Variants in TMED3 observed in about 807,000 individuals in gnomAD.
TMED3 encodes the protein transmembrane emp24 domain-containing protein 3.
Under a neutral mutation model 15.0 loss-of-function variants are expected in TMED3, and 9 were observed. The ratio of observed to expected loss-of-function variants is 0.60; its 90% CI spans 0.36 to 1.04. The LOEUF is 1.04. Ranked by LOEUF, TMED3 falls within the 50% of genes least tolerant of loss-of-function variation. The pLI is 0.01. For synonymous variants in TMED3, 117 were observed against 121.4 expected (o/e 0.96, Z 0.24); for missense variants, 267 against 278.9 (o/e 0.96, Z 0.30).
In TMED3 at chr15:79,353,190, T is replaced by TATTATATATTATAC. The variant is rs1373529043; in HGVS notation, c.417+39187_417+39188insTATATATTATACAT. On this transcript the variant is annotated intron_variant, in intron 2 of 2. Coordinates refer to the TMED3 transcript ENST00000424155. ...ATATATACATAATATATAAAATATA[T>TATTATATATTATAC]ATAATATATAAAATATATATTATAT... Among the ~76,000 whole-genome samples the TATTATATATTATAC allele has an allele frequency of 7.5e-5, 4 of 53,260 alleles. No homozygotes were observed. In the South Asian group the frequency reaches 1.7e-3, roughly 23 times the overall value. The allele number at this position is 53,260 out of a possible 152,430, so 34.9% of individuals were successfully genotyped here. A position where few individuals can be genotyped will look rare whatever the true frequency, so the allele number is the denominator to read the frequency against.
At chr15:79,371,101 A>T (rs1050936585) in intron 2 of TMED3, among the ~76,000 whole-genome samples, 12 of 152,230 alleles carry the variant, frequency 7.9e-5, no homozygotes, top group Non-Finnish European at 1.2e-4. Flanking sequence ...ATACTCAAGA[A>T]TGTATCTTTT....
intron 2 of TMED3, among the ~76,000 whole-genome samples, chr15:79,374,821 A>G (rs1893398462): frequency 6.6e-6 from 1 of 152,044 alleles, no homozygotes; most frequent in Admixed American, 6.6e-5. Flanking sequence ...TTGGGCCATA[A>G]CTCCTTTTTC....
chr15:79,342,703 A>G (rs1257148855), intron 2 of TMED3, among the ~76,000 whole-genome samples: 1 of 152,224 alleles, frequency 6.6e-6, no homozygotes, highest in African/African-American at 2.4e-5. Context: ...ATTACAACTC[A>G]TATCACAAAA....
rs59897659 is a variant in TMED3 at position 79,357,464 on chromosome 15, CAAAAAAAAAAAA to C, written c.417+43469_417+43480del. Among the ~76,000 whole-genome samples, 266 of 87,716 alleles carry C rather than the reference CAAAAAAAAAAAA, an allele frequency of 3.0e-3. 7 individuals are homozygous for C. The highest frequency in any genetic ancestry group is 0.011 in the African/African-American group (257 of 23,620). 57.5% of individuals were successfully genotyped at this position (87,716 alleles called of 152,430 possible). On this transcript the variant is annotated intron_variant, in intron 2 of 2. Transcript: ENST00000424155. ...TGTGCCACTGCACTCCACCCTGCCT[CAAAAAAAAAAAA>C]AAAAAAAAAGCAAGCACATTATTAC... is the stretch of plus-strand genomic sequence containing the variant.
intron 2 of TMED3, among the ~76,000 whole-genome samples, chr15:79,382,803 A>G (rs1247941619): frequency 6.6e-6 from 1 of 152,226 alleles, no homozygotes; most frequent in South Asian, 2.1e-4. Flanking sequence ...CAATCAGATC[A>G]TCTACTTGTG....
chr15:79,331,457 G>C (rs1435053126), intron 2 of TMED3, among the ~76,000 whole-genome samples: 1 of 133,730 alleles, frequency 7.5e-6, no homozygotes, highest in African/African-American at 2.9e-5. Flanking sequence ...AAAACTATTA[G>C]AAGAAAACAA....
intron 2 of TMED3, among the ~76,000 whole-genome samples, chr15:79,365,548 A>G (rs1416037935): frequency 6.6e-6 from 1 of 152,194 alleles, no homozygotes; most frequent in Non-Finnish European, 1.5e-5. Flanking sequence ...ACTGGAGGGG[A>G]AAGAAGGAGG....
intron 2 of TMED3, among the ~76,000 whole-genome samples, chr15:79,344,118 A>G (rs1186147372): frequency 2.0e-5 from 3 of 152,094 alleles, no homozygotes; most frequent in African/African-American, 7.3e-5. Flanking sequence ...TCCAACTTAT[A>G]GAAGTTGAGA....
chr15:79,355,612 C>A (rs1193196538), intron 2 of TMED3, among the ~76,000 whole-genome samples: 1 of 152,180 alleles, frequency 6.6e-6, no homozygotes, highest in Non-Finnish European at 1.5e-5. Flanking sequence ...CCATCCTTGG[C>A]TTGGCAAATA....
At chr15:79,344,408 G>T (rs74993485) in intron 2 of TMED3, among the ~76,000 whole-genome samples, 1,952 of 152,250 alleles carry the variant, frequency 0.013, 83 homozygotes, top group East Asian at 0.11. Flanking sequence ...GCTCCTTCCA[G>T]ATGCTCTGGG....
chr15:79,375,550 C>T (rs1169751943), intron 2 of TMED3, among the ~76,000 whole-genome samples: 2 of 152,042 alleles, frequency 1.3e-5, no homozygotes, highest in African/African-American at 4.8e-5. Flanking sequence ...TCTGGGGAGG[C>T]CTCAGGAAGT....
chr15:79,372,671 G>A (rs1046864667), intron 2 of TMED3, among the ~76,000 whole-genome samples: 8 of 152,126 alleles, frequency 5.3e-5, no homozygotes, highest in African/African-American at 1.9e-4. Context: ...GGGAAAACTA[G>A]CCCCCATGAT....
intron 2 of TMED3, among the ~76,000 whole-genome samples, chr15:79,340,938 A>G (rs1252519956): frequency 6.6e-6 from 1 of 152,214 alleles, no homozygotes; most frequent in Non-Finnish European, 1.5e-5. Context: ...TCATGCCTGC[A>G]ATCCCAGCAC....
chr15:79,373,551 A>G (rs1317866929), intron 2 of TMED3, among the ~76,000 whole-genome samples: 1 of 152,180 alleles, frequency 6.6e-6, no homozygotes, highest in African/African-American at 2.4e-5. Flanking sequence ...CTCAAGACAG[A>G]CAGCCTCTCT....
intron 2 of TMED3, among the ~76,000 whole-genome samples, chr15:79,374,150 C>T (rs1307006397): frequency 1.3e-5 from 2 of 152,142 alleles, no homozygotes; most frequent in South Asian, 2.1e-4. Context: ...AGGGCTATTT[C>T]AAAATATGTC....
intron 2 of TMED3, among the ~76,000 whole-genome samples, chr15:79,317,791 G>T (rs889374776): frequency 4.6e-5 from 7 of 152,104 alleles, no homozygotes; most frequent in Admixed American, 1.3e-4. Flanking sequence ...CTGACATGGC[G>T]ACCTTCTTAA....
intron 2 of TMED3, among the ~76,000 whole-genome samples, chr15:79,316,626 C>T (rs961355749): frequency 3.3e-5 from 5 of 152,000 alleles, no homozygotes; most frequent in Non-Finnish European, 5.9e-5. Flanking sequence ...GGGATGTCAG[C>T]GTGGAGATGG....
chr15:79,400,616 A>C (rs913779613), intron 2 of TMED3, among the ~76,000 whole-genome samples: 2 of 152,228 alleles, frequency 1.3e-5, no homozygotes, highest in African/African-American at 4.8e-5. Flanking sequence ...AGAGACAGGA[A>C]AGTAGGAGAG....
chr15:79,323,148 C>G (rs1470407803), downstream of TMED3, among the ~76,000 whole-genome samples: 3 of 152,286 alleles, frequency 2.0e-5, no homozygotes, highest in East Asian at 5.8e-4. Context: ...CCCAAAGGCA[C>G]ATTATCAGTG....
Sources: allele counts gnomAD v4.1 joint callset (sites outside exome capture counted in the v4.1 genomes callset), GRCh38; gene constraint gnomAD v4.1.1; transcripts MANE v1.5; gene names NCBI Gene and HGNC (gene_info 2026-07-23, HGNC 2026-07-21).